Variants in PRKCA observed in about 807,000 individuals in gnomAD.
PRKCA encodes protein kinase C alpha.
Under a neutral mutation model 87.0 loss-of-function variants are expected in PRKCA, and 27 were observed. That is an observed-to-expected ratio of 0.31 (90% CI 0.23 to 0.43). The LOEUF is 0.43. PRKCA is among the 20% of genes least tolerant of loss of function. PRKCA has a pLI of 1.00. For missense variants in PRKCA, 518 were observed against 852.3 expected, an observed-to-expected ratio of 0.61 and a Z score of 4.88; for synonymous variants, 329 against 311.1, an observed-to-expected ratio of 1.06 and a Z score of -0.61.
intron 2 of PRKCA, among the ~76,000 whole-genome samples, chr17:66,494,690 A>G (rs570181924): frequency 2.5e-4 from 38 of 152,356 alleles, no homozygotes; most frequent in African/African-American, 8.7e-4. Context: ...ACATGTTGTT[A>G]TTATTCAACA....
At chr17:66,368,566 T>C (rs1488089752) in intron 2 of PRKCA, among the ~76,000 whole-genome samples, 1 of 150,774 alleles carries the variant, frequency 6.6e-6, no homozygotes, top group South Asian at 2.1e-4. Flanking sequence ...AATTTTTGTA[T>C]TTTTTTGTAG....
At chr17:66,632,348 G>T (rs1368658801) in intron 3 of PRKCA, among the ~76,000 whole-genome samples, 1 of 152,024 alleles carries the variant, frequency 6.6e-6, no homozygotes, top group Admixed American at 6.6e-5. Flanking sequence ...CTGTCTTACT[G>T]TTCAGAGGAG....
intron 8 of PRKCA, among the ~76,000 whole-genome samples, chr17:66,691,460 A>G (rs1034136320): frequency 1.3e-5 from 2 of 152,142 alleles, no homozygotes; most frequent in South Asian, 4.1e-4. Context: ...GCAGGTTCAA[A>G]TGTCTATGCC....
In PRKCA at chr17:66,396,268, CATT is replaced by C. The variant is rs931348563; in HGVS notation, c.205+90143_205+90145del. Among the ~76,000 whole-genome samples, 197 of 152,220 alleles carry C rather than the reference CATT, an allele frequency of 1.3e-3. 1 individual carries two copies. Among genetic ancestry groups the C allele is most frequent in the African/African-American group, 4.3e-3 (177 of 41,542 alleles). ...AGTTTATGAAGGAAGTTTTGGAAAA[CATT>C]AGAGTATTTTGTGTGTGTGAAAATT... On this transcript the variant is annotated intron_variant, in intron 2 of 16. Transcript: ENST00000413366.
intron 3 of PRKCA, among the ~76,000 whole-genome samples, chr17:66,506,289 C>T (rs2060289563): frequency 1.4e-5 from 2 of 147,934 alleles, no homozygotes; most frequent in Non-Finnish European, 3.0e-5. Context: ...CGGTGAGACC[C>T]CGTCTAAAAA....
chr17:66,502,501 C>G (rs1316618736), intron 3 of PRKCA, among the ~76,000 whole-genome samples: 1 of 152,140 alleles, frequency 6.6e-6, no homozygotes, highest in Non-Finnish European at 1.5e-5. Flanking sequence ...TCCCAAAGTG[C>G]TGGGATTACA....
At chr17:66,797,160 C>T (rs2144410236) in intron 16 of PRKCA, among the ~76,000 whole-genome samples, 1 of 152,256 alleles carries the variant, frequency 6.6e-6, no homozygotes, top group Admixed American at 6.5e-5. Flanking sequence ...TAAGAATCAG[C>T]CACGAAGCCA....
chr17:66,701,175 A>C (rs188484930), intron 8 of PRKCA, among the ~76,000 whole-genome samples: 1 of 152,172 alleles, frequency 6.6e-6, no homozygotes, highest in African/African-American at 2.4e-5. Context: ...TGACAAAGGC[A>C]TCAAGGATAC....
At chr17:66,666,943 G>A (rs1178416730) in intron 5 of PRKCA, among the ~76,000 whole-genome samples, 4 of 152,102 alleles carry the variant, frequency 2.6e-5, no homozygotes, top group Non-Finnish European at 2.9e-5. Context: ...CCATGAAAAC[G>A]AAGGCATAAT....
chr17:66,365,799 C>T (rs1042310885), intron 2 of PRKCA, among the ~76,000 whole-genome samples: 4 of 152,116 alleles, frequency 2.6e-5, no homozygotes, highest in African/African-American at 9.7e-5. Flanking sequence ...TAAACGCATG[C>T]CAAAGGCTCA....
intron 8 of PRKCA, among the ~76,000 whole-genome samples, chr17:66,707,619 C>T (rs1052749261): frequency 6.6e-6 from 1 of 152,178 alleles, no homozygotes; most frequent in Non-Finnish European, 1.5e-5. Context: ...TAATTCTGGA[C>T]ATTTCTAACT....
intron 3 of PRKCA, among the ~76,000 whole-genome samples, chr17:66,543,764 A>G (rs1390357172): frequency 6.6e-6 from 1 of 152,208 alleles, no homozygotes; most frequent in East Asian, 1.9e-4. Flanking sequence ...TGTACCCTAC[A>G]CCATAGAAAA....
In PRKCA at chr17:66,699,036, G is replaced by A. The variant is rs1243527314; in HGVS notation, c.918+9989G>A. The stretch of plus-strand genomic sequence containing the variant: ...CCAAGTTTGGAGAAAGATATGGACA[G>A]TAGAAAAGGTAAGCAAGCCAGGCAC... On this transcript the variant is annotated intron_variant, in intron 8 of 16. Coordinates refer to ENST00000413366, the MANE Select transcript of PRKCA (RefSeq NM_002737.3). Among the ~76,000 whole-genome samples, 3 of 151,010 alleles carry A rather than the reference G, an allele frequency of 2.0e-5. No individual in the cohort carries two copies. In the East Asian group the frequency reaches 5.9e-4, roughly 30 times the overall value.
At chr17:66,445,809 T>G (rs1319630782) in intron 2 of PRKCA, among the ~76,000 whole-genome samples, 2 of 151,580 alleles carry the variant, frequency 1.3e-5, no homozygotes, top group Non-Finnish European at 2.9e-5. Flanking sequence ...TTTTTTTTTC[T>G]TCTTTTTTTT....
chr17:66,424,567 A>AG (rs879535311), intron 2 of PRKCA, among the ~76,000 whole-genome samples: 5,214 of 116,920 alleles, frequency 0.045, 180 homozygotes, highest in East Asian at 0.23. Context: ...ACCCTGTCTC[A>AG]AACACACACA....
intron 3 of PRKCA, among the ~76,000 whole-genome samples, chr17:66,500,555 A>T (rs866159161): frequency 1.3e-5 from 2 of 152,182 alleles, no homozygotes; most frequent in Non-Finnish European, 2.9e-5. Flanking sequence ...GGATGAGGAG[A>T]CAACTAAGGC....
intron 3 of PRKCA, among the ~76,000 whole-genome samples, chr17:66,574,307 G>A (rs923071212): frequency 6.6e-6 from 1 of 152,072 alleles, no homozygotes; most frequent in Non-Finnish European, 1.5e-5. Flanking sequence ...ACCTCAGCTG[G>A]ACTTCAATTC....
intron 14 of PRKCA, chr17:66,775,776 C>T: frequency 2.1e-5 from 21 of 983,398 alleles, no homozygotes; most frequent in Non-Finnish European, 2.4e-5. Context: ...TCACTGAATG[C>T]TTACAATGTG....
At chr17:66,788,391 A>G (rs1482273411) in intron 15 of PRKCA, among the ~76,000 whole-genome samples, 1 of 152,162 alleles carries the variant, frequency 6.6e-6, no homozygotes, top group Non-Finnish European at 1.5e-5. Context: ...TCTTTGATTG[A>G]TAACATTTTG....
Sources: allele counts gnomAD v4.1 joint callset (sites outside exome capture counted in the v4.1 genomes callset), GRCh38; gene constraint gnomAD v4.1.1; transcripts MANE v1.5; gene names NCBI Gene and HGNC (gene_info 2026-07-23, HGNC 2026-07-21).